CRTAC1: variants seen among roughly 807,000 people sequenced by gnomAD.
CRTAC1 encodes the protein cartilage acidic protein 1.
A neutral mutation model predicts 67.8 loss-of-function variants in CRTAC1; 37 were observed. That is an observed-to-expected ratio of 0.55 (90% CI 0.42 to 0.72). CRTAC1 has a LOEUF of 0.72. CRTAC1 is among the 30% of genes least tolerant of loss of function. The pLI, the probability that CRTAC1 is intolerant of heterozygous loss-of-function variation, is 0.00. For synonymous variants in CRTAC1, 348 were observed against 371.0 expected (o/e 0.94, Z 0.71); for missense variants, 780 against 931.6 (o/e 0.84, Z 2.12).
chr10:97,920,802 G>A (rs1278434621), intron 4 of CRTAC1, among the ~76,000 whole-genome samples: 1 of 152,266 alleles, frequency 6.6e-6, no homozygotes, highest in Non-Finnish European at 1.5e-5. Context: ...AAGATGAAAT[G>A]AGACAATGTA....
intron 4 of CRTAC1, among the ~76,000 whole-genome samples, chr10:97,918,607 G>A (rs1372696): frequency 0.74 from 113,200 of 152,110 alleles, 42,828 homozygotes; most frequent in East Asian, 0.92. Flanking sequence ...TAGGTTGCTT[G>A]TAGTCTAGTT....
intron 2 of CRTAC1, among the ~76,000 whole-genome samples, chr10:97,990,255 T>C (rs1227508341): frequency 6.6e-6 from 1 of 152,236 alleles, no homozygotes; most frequent in Non-Finnish European, 1.5e-5. Flanking sequence ...TACTCCTACC[T>C]GCTTGGCTTG....
intron 2 of CRTAC1, among the ~76,000 whole-genome samples, chr10:97,962,447 G>T (rs1409209964): frequency 1.3e-5 from 2 of 152,202 alleles, no homozygotes; most frequent in Non-Finnish European, 2.9e-5. Flanking sequence ...CATTATTAAA[G>T]AACACATTTC....
chr10:97,875,960 G>A (rs1440738899), intron 14 of CRTAC1: 2 of 152,202 alleles, frequency 1.3e-5, no homozygotes, highest in Non-Finnish European at 2.9e-5. Context: ...CCTCAGTGAA[G>A]GTTGGCTGAG....
intron 9 of CRTAC1, among the ~76,000 whole-genome samples, chr10:97,896,330 G>A (rs1045587765): frequency 3.3e-5 from 5 of 152,088 alleles, no homozygotes; most frequent in Admixed American, 6.5e-5. Flanking sequence ...AATTTACCAA[G>A]TGTTTGCATA....
Position 97,896,052 on chromosome 10 carries a change from A to G in CRTAC1, c.1217-67T>C, listed in dbSNP as rs1165907851. On this transcript the variant is annotated intron_variant, in intron 9 of 14. Coordinates refer to ENST00000370597, the MANE Select transcript of CRTAC1 (RefSeq NM_018058.7). ...GACCCACAAAGGAGACACGCTCCCAACCAAGTGCAGTATCCACAGCCCTGG... is the reference window on the plus strand; with the variant it reads ...GACCCACAAAGGAGACACGCTCCCAGCCAAGTGCAGTATCCACAGCCCTGG... 7 of 1,406,588 alleles carry G rather than the reference A, an allele frequency of 5.0e-6. No individual in the cohort carries two copies. In the South Asian group the frequency reaches 5.8e-5, roughly 12 times the overall value. 87.1% of individuals were successfully genotyped at this position (1,406,588 alleles called of 1,614,324 possible).
intron 2 of CRTAC1, among the ~76,000 whole-genome samples, chr10:97,973,290 T>C (rs2051744298): frequency 6.6e-6 from 1 of 152,130 alleles, no homozygotes; most frequent in Non-Finnish European, 1.5e-5. Flanking sequence ...TTCAGCCTTG[T>C]CTCCGTCCCA....
In CRTAC1 at chr10:98,009,489, C is replaced by T. The variant is rs186679970; in HGVS notation, c.224+1649G>A. On this transcript the variant is annotated intron_variant, in intron 2 of 14. Coordinates refer to ENST00000370597, the MANE Select transcript of CRTAC1 (RefSeq NM_018058.7). Reference sequence around the variant, plus strand: ...TTTTCTATACATCATCACCACTAACCGCCATGACTACCCCGTGAGGCAGGC... The same window carrying T: ...TTTTCTATACATCATCACCACTAACTGCCATGACTACCCCGTGAGGCAGGC... Among the ~76,000 whole-genome samples the T allele has an allele frequency of 3.9e-5, 6 of 152,300 alleles. No homozygotes were observed. In the East Asian group the frequency reaches 7.7e-4, roughly 20 times the overall value.
rs527736707 is a variant in CRTAC1 at position 97,985,362 on chromosome 10, C to A, written c.224+25776G>T. Among the ~76,000 whole-genome samples the A allele has an allele frequency of 3.3e-5, 5 of 152,260 alleles. No homozygotes were observed. In the East Asian group the frequency reaches 7.7e-4, roughly 24 times the overall value. On this transcript the variant is annotated intron_variant, in intron 2 of 14. Coordinates refer to ENST00000370597, the MANE Select transcript of CRTAC1 (RefSeq NM_018058.7). Reference sequence around the variant, plus strand: ...CACCAGTTCCATGAGCTGATGGAATCTTTCTTCTTTATCTCATAGCTCCTA... The same window carrying A: ...CACCAGTTCCATGAGCTGATGGAATATTTCTTCTTTATCTCATAGCTCCTA...
In CRTAC1 at chr10:97,975,547, C is replaced by T. The variant is rs1166797367; in HGVS notation, c.224+35591G>A. 6.6e-6 allele frequency among the ~76,000 whole-genome samples: 1 copy of T among 152,150 alleles called. No individual in the cohort carries two copies. Among genetic ancestry groups the T allele is most frequent in the Non-Finnish European group, 1.5e-5 (1 of 68,008 alleles). On this transcript the variant is annotated intron_variant, in intron 2 of 14. Coordinates refer to ENST00000370597, the MANE Select transcript of CRTAC1 (RefSeq NM_018058.7). This position sits in a 1 kb window ranked among gnomAD's most constrained non-coding sequence, Gnocchi z 4.8. The stretch of plus-strand genomic sequence containing the variant: ...TACCCTGTCGGCATTTTGGCCCAGT[C>T]GGAATGGAGTCACCTTTTCCTAAAG...
At chr10:97,878,546 G>A in intron 14 of CRTAC1, 1 of 1,231,104 alleles carries the variant, frequency 8.1e-7, no homozygotes, top group Admixed American at 3.0e-5. Context: ...ATGAAGAATA[G>A]ATCTATGTTT....
At position 97,940,127 on chromosome 10, in the gene CRTAC1, G is replaced by A. The variant is rs78469241; in HGVS notation, c.225-3761C>T. On this transcript the variant is annotated intron_variant, in intron 2 of 14. Coordinates refer to ENST00000370597, the MANE Select transcript of CRTAC1 (RefSeq NM_018058.7). ...GTAGCCTTACCAGAGCAGCCACTGC[G>A]TGCCTAGAATTATGCTAAGTGCTTT... Among the ~76,000 whole-genome samples, 1,326 of 152,336 alleles carry A rather than the reference G, an allele frequency of 8.7e-3. 13 individuals carry two copies. The highest frequency in any genetic ancestry group is 0.012 in the Non-Finnish European group (815 of 68,032).
At chr10:97,962,551 G>A (rs1281566039) in intron 2 of CRTAC1, among the ~76,000 whole-genome samples, 1 of 152,194 alleles carries the variant, frequency 6.6e-6, no homozygotes, top group African/African-American at 2.4e-5. Context: ...TGAAACAGAT[G>A]CTCTGAAGAC....
At chr10:97,958,729 GCC>G (rs1327512004) in intron 2 of CRTAC1, among the ~76,000 whole-genome samples, 1 of 152,092 alleles carries the variant, frequency 6.6e-6, no homozygotes, top group African/African-American at 2.4e-5. Context: ...GGTTATAATG[GCC>G]ACAGCCAACT....
chr10:97,915,312 A>G (rs184327126), intron 5 of CRTAC1, among the ~76,000 whole-genome samples: 1 of 152,304 alleles, frequency 6.6e-6, no homozygotes, highest in East Asian at 1.9e-4. Flanking sequence ...CTAGCTCTCT[A>G]CCAACCTCCT....
intron 2 of CRTAC1, among the ~76,000 whole-genome samples, chr10:97,985,485 G>A (rs758890659): frequency 3.9e-5 from 6 of 151,978 alleles, no homozygotes; most frequent in African/African-American, 1.2e-4. Flanking sequence ...AGCCAGCTTC[G>A]TTCTTCTCCT....
intron 14 of CRTAC1, among the ~76,000 whole-genome samples, chr10:97,871,931 G>A (rs946308415): frequency 6.6e-6 from 1 of 152,216 alleles, no homozygotes; most frequent in Non-Finnish European, 1.5e-5. Context: ...ATGGAAAAGT[G>A]ATTGGGAACC....
intron 3 of CRTAC1, among the ~76,000 whole-genome samples, chr10:97,931,049 T>C (rs182752667): frequency 1.3e-5 from 2 of 152,268 alleles, no homozygotes; most frequent in Admixed American, 6.5e-5. Context: ...AATACAAAAA[T>C]AGGCAGAGGC....
At chr10:97,877,636 G>A (rs1461486398) in intron 14 of CRTAC1, among the ~76,000 whole-genome samples, 3 of 152,232 alleles carry the variant, frequency 2.0e-5, no homozygotes, top group African/African-American at 7.2e-5. Context: ...ATCAGTATCT[G>A]TTGAACTCAT....
Sources: gnomAD v4.1 joint callset for allele counts (sites outside exome capture counted in the v4.1 genomes callset) on GRCh38, gnomAD v4.1.1 for gene constraint, Gnocchi (gnomAD v3.1) non-coding constraint, MANE v1.5 for transcripts, NCBI Gene and HGNC (gene_info 2026-07-23, HGNC 2026-07-21) for gene names.